Variants in SAMSN1 observed in about 807,000 individuals in gnomAD.
The protein encoded by SAMSN1 is SAM domain-containing protein SAMSN-1.
In SAMSN1, 31 loss-of-function variants were observed where a neutral mutation model predicts 42.0. That is an observed-to-expected ratio of 0.74 (90% confidence interval 0.55 to 1.00). The LOEUF (loss-of-function observed/expected upper bound fraction) is 1.00, where lower values mean the gene tolerates loss of function less well. SAMSN1 is among the 50% of genes least tolerant of loss of function. SAMSN1 has a pLI of 0.00. For synonymous variants in SAMSN1, 178 were observed against 151.9 expected (o/e 1.17, Z -1.26); for missense variants, 464 against 439.4 (o/e 1.06, Z -0.50).
intron 6 of SAMSN1, among the ~76,000 whole-genome samples, chr21:14,498,904 C>G (rs557183990): frequency 1.3e-5 from 2 of 152,320 alleles, no homozygotes; most frequent in Admixed American, 6.5e-5. Flanking sequence ...CACTTCTCAA[C>G]TAACTAAATT....
intron 2 of SAMSN1, among the ~76,000 whole-genome samples, chr21:14,566,072 T>C (rs190367510): frequency 7.9e-5 from 12 of 152,306 alleles, no homozygotes; most frequent in South Asian, 6.2e-4. Flanking sequence ...TTTAACAATT[T>C]TCCCAGATAC....
chr21:14,573,337 G>A (rs1212544989), intron 2 of SAMSN1, among the ~76,000 whole-genome samples: 1 of 152,132 alleles, frequency 6.6e-6, no homozygotes, highest in South Asian at 2.1e-4. Context: ...AGTACTTCTT[G>A]TTAGAATGGT....
intron 1 of SAMSN1, among the ~76,000 whole-genome samples, chr21:14,537,978 A>G (rs1252424983): frequency 6.6e-6 from 1 of 152,122 alleles, no homozygotes; most frequent in Non-Finnish European, 1.5e-5. Context: ...ATACATTTTA[A>G]CATGTTCTAG....
intron 1 of SAMSN1, among the ~76,000 whole-genome samples, chr21:14,648,219 T>C (rs999136009): frequency 6.6e-6 from 1 of 152,182 alleles, no homozygotes; most frequent in Non-Finnish European, 1.5e-5. Flanking sequence ...TAGCCATATG[T>C]AGAAAGCTGA....
intron 2 of SAMSN1, among the ~76,000 whole-genome samples, chr21:14,618,952 A>T (rs555672429): frequency 5.9e-5 from 9 of 152,204 alleles, no homozygotes; most frequent in Non-Finnish European, 1.3e-4. Flanking sequence ...TTGTTAGAAA[A>T]TAAAAAATGA....
chr21:14,544,346 T>G (rs1980249050), intron 1 of SAMSN1, among the ~76,000 whole-genome samples: 1 of 152,158 alleles, frequency 6.6e-6, no homozygotes, highest in South Asian at 2.1e-4. Flanking sequence ...CCCATGCACC[T>G]GGACAGATAC....
At chr21:14,630,541 C>T (rs563219957) in intron 2 of SAMSN1, among the ~76,000 whole-genome samples, 60 of 151,988 alleles carry the variant, frequency 3.9e-4, no homozygotes, top group Middle Eastern at 3.2e-3. Context: ...TCTCTATTTA[C>T]GGGACGAAAC....
chr21:14,523,131 C>T (rs1327634687), intron 1 of SAMSN1: 2 of 152,074 alleles, frequency 1.3e-5, no homozygotes, highest in Non-Finnish European at 2.9e-5. Flanking sequence ...GCTATATTGT[C>T]CTTTCAGAAA....
At chr21:14,625,830 A>G (rs1036033393) in intron 2 of SAMSN1, among the ~76,000 whole-genome samples, 2 of 152,212 alleles carry the variant, frequency 1.3e-5, no homozygotes, top group African/African-American at 4.8e-5. Flanking sequence ...GGACAATCCT[A>G]AGCCAAAAGA....
At chr21:14,502,391 A>C (rs1022330642) in intron 5 of SAMSN1, among the ~76,000 whole-genome samples, 1 of 152,192 alleles carries the variant, frequency 6.6e-6, no homozygotes, top group Non-Finnish European at 1.5e-5. Context: ...ATTATCCTTG[A>C]AACTTGTAAA....
chr21:14,509,660 A>G (rs1283050585), intron 5 of SAMSN1, among the ~76,000 whole-genome samples: 4 of 152,234 alleles, frequency 2.6e-5, no homozygotes, highest in South Asian at 2.1e-4. Context: ...CATTATTTCT[A>G]TTCCTGCAAG....
chr21:14,596,680 A>T (rs960021093), intron 6 of SAMSN1, among the ~76,000 whole-genome samples: 6 of 152,192 alleles, frequency 3.9e-5, no homozygotes, highest in African/African-American at 1.4e-4. Context: ...GATAGACCAA[A>T]GTGGCAAGGG....
chr21:14,546,065 C>T (rs1040793436), intron 1 of SAMSN1, 140 bp downstream of exon 1: 48 of 668,330 alleles, frequency 7.2e-5, no homozygotes, highest in African/African-American at 4.4e-4. Flanking sequence ...TTAATTTTTC[C>T]GTATTTGCCA....
intron 5 of SAMSN1, among the ~76,000 whole-genome samples, chr21:14,608,771 A>G (rs1982628398): frequency 6.6e-6 from 1 of 152,184 alleles, no homozygotes; most frequent in Admixed American, 6.5e-5. Context: ...TTCCCAATCC[A>G]TTCTTCACTC....
rs369569105 is a variant in SAMSN1, at chr21:14,489,962, A to G, written c.920-3848T>C. Among the ~76,000 whole-genome samples the G allele has an allele frequency of 2.4e-4, 37 of 152,284 alleles. No individual in the cohort carries two copies. In the East Asian group the frequency reaches 4.0e-3, roughly 17 times the overall value. ...CTAAAAGTGAAGATAGTTTTAAGGA[A>G]ATAAAACTGGATCCTTATTCTGGGA... On this transcript the variant is annotated intron_variant, in intron 7 of 7. Coordinates refer to ENST00000400566, the MANE Select transcript of SAMSN1 (RefSeq NM_022136.5).
chr21:14,540,709 G>A (rs1052804390), intron 1 of SAMSN1, among the ~76,000 whole-genome samples: 8 of 152,232 alleles, frequency 5.3e-5, no homozygotes, highest in Admixed American at 4.6e-4. Flanking sequence ...TTCAACCATT[G>A]TGGAAGACTA....
At chr21:14,585,758 A>G (rs772884690), upstream of SAMSN1, among the ~76,000 whole-genome samples, 1 of 152,218 alleles carries the variant, frequency 6.6e-6, no homozygotes, top group African/African-American at 2.4e-5. Flanking sequence ...GAATGTAAAT[A>G]CAATCCTAAT....
chr21:14,508,016 G>A lies in SAMSN1; in HGVS notation c.561+2294C>T, dbSNP rs143697753. Among the ~76,000 whole-genome samples the A allele has an allele frequency of 5.6e-3, 852 of 152,288 alleles. 1 individual carries two copies. The highest frequency in any genetic ancestry group is 8.7e-3 in the Non-Finnish European group (594 of 68,008). On this transcript the variant is annotated intron_variant, in intron 5 of 7. Transcript: ENST00000400566. ...ACTGGCTAGCCATATGTAGGAGAAT[G>A]AAACTGGATCCACAACTCTCACCTT...
At chr21:14,589,175 G>A (rs180921832) in intron 7 of SAMSN1, among the ~76,000 whole-genome samples, 7 of 152,060 alleles carry the variant, frequency 4.6e-5, no homozygotes, top group Admixed American at 4.6e-4. Flanking sequence ...TTATTGAACT[G>A]GATTAGTCCT....
Sources: allele counts gnomAD v4.1 joint callset (sites outside exome capture counted in the v4.1 genomes callset), GRCh38; gene constraint gnomAD v4.1.1; transcripts MANE v1.5; gene names NCBI Gene and HGNC (gene_info 2026-07-23, HGNC 2026-07-21).